TIAM1: variants seen among roughly 807,000 people sequenced by gnomAD.
TIAM1 encodes rho guanine nucleotide exchange factor TIAM1.
A neutral mutation model predicts 163.5 loss-of-function variants in TIAM1; 65 were observed. That is an observed-to-expected ratio of 0.40 (90% confidence interval 0.33 to 0.49). TIAM1 has a LOEUF of 0.49. Among genes scored for constraint, TIAM1 ranks in the 20% least tolerant of loss-of-function variants. The pLI is 0.77. For synonymous variants in TIAM1, 833 were observed against 810.1 expected (o/e 1.03, Z -0.48); for missense variants, 1,789 against 2,044.7 (o/e 0.87, Z 2.41).
At chr21:31,269,970 C>T (rs532744076) in intron 3 of TIAM1, among the ~76,000 whole-genome samples, 9 of 152,232 alleles carry the variant, frequency 5.9e-5, no homozygotes, top group Non-Finnish European at 1.0e-4. Flanking sequence ...CACGCCCGGC[C>T]GATGAATTTT....
At position 31,120,946 on chromosome 21, in the gene TIAM1, T is replaced by C. The variant is rs964839251; in HGVS notation, c.4307-109A>G. ...AAATAAAAACCAAAACGGTATGCAT[T>C]GAATGCCTTGATGTCTTTTGGGGCT... On this transcript the variant is annotated intron_variant, in intron 27 of 27. Coordinates refer to ENST00000541036, the MANE Select transcript of TIAM1 (RefSeq NM_001353694.2). This position sits in a 1 kb window ranked among gnomAD's most constrained non-coding sequence, Gnocchi z 4.2. The C allele has an allele frequency of 2.0e-6, 2 of 994,702 alleles. No homozygotes were observed. Among genetic ancestry groups the C allele is most frequent in the Non-Finnish European group, 2.9e-6 (2 of 694,018 alleles). 61.6% of individuals were successfully genotyped at this position (994,702 alleles called of 1,614,324 possible). A position where few individuals can be genotyped will look rare whatever the true frequency, so the allele number is the denominator to read the frequency against.
At chr21:31,463,812 C>CAAA (rs35597903) in intron 2 of TIAM1, among the ~76,000 whole-genome samples, 2 of 130,690 alleles carry the variant, frequency 1.5e-5, no homozygotes, top group Admixed American at 7.7e-5. Context: ...GCTCCGTCTC[C>CAAA]AAAAAAAAAA....
intron 1 of TIAM1, among the ~76,000 whole-genome samples, chr21:31,343,296 C>T (rs1192010275): frequency 6.6e-6 from 1 of 152,180 alleles, no homozygotes; most frequent in Non-Finnish European, 1.5e-5. Context: ...GTGACCAGCT[C>T]CAGACTTGAA....
intron 2 of TIAM1, among the ~76,000 whole-genome samples, chr21:31,291,178 G>T (rs1472240744): frequency 1.3e-5 from 2 of 152,156 alleles, no homozygotes; most frequent in African/African-American, 4.8e-5. Flanking sequence ...ATTTCTCAGT[G>T]TGGGTGATTT....
At chr21:31,154,105 G>C (rs1259677560) in intron 17 of TIAM1, 142 bp downstream of exon 17, 1 of 938,596 alleles carries the variant, frequency 1.1e-6, no homozygotes, top group African/African-American at 1.7e-5. Flanking sequence ...TTAACATTCA[G>C]AGTATAGGCA....
At chr21:31,426,655 G>A (rs2043805820) in intron 2 of TIAM1, among the ~76,000 whole-genome samples, 1 of 152,144 alleles carries the variant, frequency 6.6e-6, no homozygotes, top group Non-Finnish European at 1.5e-5. Context: ...CTGAAAGAGA[G>A]CCCAAACATT....
chr21:31,411,277 A>C (rs2077353404), intron 2 of TIAM1, among the ~76,000 whole-genome samples: 1 of 152,188 alleles, frequency 6.6e-6, no homozygotes, highest in African/African-American at 2.4e-5. Context: ...AGAGATTTTA[A>C]ATACAGGGGA....
At chr21:31,216,200 T>C (rs1367266700) in intron 9 of TIAM1, among the ~76,000 whole-genome samples, 1 of 152,014 alleles carries the variant, frequency 6.6e-6, no homozygotes, top group Non-Finnish European at 1.5e-5. Context: ...AAAAAACCAA[T>C]GAGTATCACA....
intron 7 of TIAM1, among the ~76,000 whole-genome samples, chr21:31,224,597 T>A (rs1320953699): frequency 6.6e-6 from 1 of 152,278 alleles, no homozygotes; most frequent in East Asian, 1.9e-4. Context: ...CAGGGTTACA[T>A]TTTGGGCCAG....
At chr21:31,397,786 C>T (rs2077098069) in intron 2 of TIAM1, among the ~76,000 whole-genome samples, 1 of 152,132 alleles carries the variant, frequency 6.6e-6, no homozygotes, top group Admixed American at 6.6e-5. Context: ...TGTGAAGATG[C>T]TGGGCTGCTT....
At chr21:31,259,498 C>G (rs1312630208) in intron 4 of TIAM1, among the ~76,000 whole-genome samples, 1 of 152,034 alleles carries the variant, frequency 6.6e-6, no homozygotes, top group African/African-American at 2.4e-5. Context: ...GTAGTCCCAG[C>G]TACCCAAGAG....
At position 31,245,620 on chromosome 21, in the gene TIAM1, C is replaced by T; in HGVS notation, c.1452G>A (p.Gly484=). The stretch of plus-strand genomic sequence containing the variant: ...GTTTGGGGATGCTGTTGTGGTCTAT[C>T]CCAGACCTGCCGTCGCTCTCGTAGA... ...LFFYESDGRS[G]IDHNSIPKHA... The change falls in exon 6 of 28, where the codon GGG becomes GGA. Residue 484 remains glycine, a synonymous_variant. Coordinates refer to ENST00000541036, the MANE Select transcript of TIAM1 (RefSeq NM_001353694.2). 1 of 1,593,468 alleles carries T rather than the reference C, an allele frequency of 6.3e-7. No individual in the cohort carries two copies. Among genetic ancestry groups the T allele is most frequent in the Non-Finnish European group, 8.5e-7 (1 of 1,169,732 alleles).
rs1480587569 is a variant in TIAM1 at position 31,266,666 on chromosome 21, A to G, written c.307T>C (p.Tyr103His). ...RVDMGLRPVS[Y>H]TDSSVTPSVD... is the part of the protein sequence containing the mutation. ...CTGGGAGTGACAGAAGAGTCAGTGT[A>G]AGACACAGGTCTCAAGCCCATGTCC... The change falls in exon 4 of 28, where the codon TAC becomes CAC. Residue 103 changes from tyrosine to histidine, a missense_variant. By Grantham distance (83) the Tyr-to-His change is moderately conservative. Transcript: ENST00000541036. The G allele has an allele frequency of 6.2e-7, 1 of 1,614,188 alleles. No individual in the cohort carries two copies. The highest frequency in any genetic ancestry group is 2.2e-5 in the East Asian group (1 of 44,862).
intron 2 of TIAM1, among the ~76,000 whole-genome samples, chr21:31,337,269 G>A (rs2075871310): frequency 6.6e-6 from 1 of 152,084 alleles, no homozygotes; most frequent in South Asian, 2.1e-4. Context: ...GCCTTGGCCT[G>A]GAATATGTGC....
intron 1 of TIAM1, among the ~76,000 whole-genome samples, chr21:31,539,691 C>T (rs879452811): frequency 3.9e-5 from 6 of 152,108 alleles, no homozygotes; most frequent in Non-Finnish European, 5.9e-5. Flanking sequence ...CCCTGGCAGA[C>T]GCAGAATTCA....
chr21:31,551,179 A>C (rs1056993039), intron 1 of TIAM1, among the ~76,000 whole-genome samples: 2 of 152,094 alleles, frequency 1.3e-5, no homozygotes, highest in African/African-American at 2.4e-5. Flanking sequence ...ATGCCACTGC[A>C]CTCCAGCCTG....
At position 31,158,861 on chromosome 21, in the gene TIAM1, A is replaced by G. The variant is rs573967430; in HGVS notation, c.2992-4435T>C. On this transcript the variant is annotated intron_variant, in intron 16 of 27. Coordinates refer to ENST00000541036, the MANE Select transcript of TIAM1 (RefSeq NM_001353694.2). ...CCACGCAGCTTAGCCATGATGTGGAATATAGGAGGAGTTGGGTTCAAGGCT... is the reference window on the plus strand; with the variant it reads ...CCACGCAGCTTAGCCATGATGTGGAGTATAGGAGGAGTTGGGTTCAAGGCT... Among the ~76,000 whole-genome samples the G allele has an allele frequency of 3.3e-5, 5 of 152,256 alleles. No individual in the cohort carries two copies. The East Asian group carries it at 9.7e-4, about 30-fold the overall frequency.
At chr21:31,166,772 G>T (rs1418089573) in intron 15 of TIAM1, among the ~76,000 whole-genome samples, 1 of 152,196 alleles carries the variant, frequency 6.6e-6, no homozygotes, top group African/African-American at 2.4e-5. Context: ...TTTTGCACAG[G>T]GGCAATGACC....
chr21:31,492,775 T>C (rs2046511422), intron 1 of TIAM1, among the ~76,000 whole-genome samples: 1 of 101,492 alleles, frequency 9.9e-6, no homozygotes, highest in South Asian at 3.7e-4. Flanking sequence ...ATATTTTGGG[T>C]TACACACACA....
Sources: allele counts gnomAD v4.1 joint callset (sites outside exome capture counted in the v4.1 genomes callset), GRCh38; gene constraint gnomAD v4.1.1; non-coding constraint Gnocchi (gnomAD v3.1); transcripts MANE v1.5; gene names NCBI Gene and HGNC (gene_info 2026-07-23, HGNC 2026-07-21).